Variants in ATP8A2 observed in about 807,000 individuals in gnomAD.
The protein encoded by ATP8A2 is ATPase phospholipid transporting 8A2.
In ATP8A2, 100 loss-of-function variants were observed where a neutral mutation model predicts 165.6. That is an observed-to-expected ratio of 0.60 (90% confidence interval 0.51 to 0.71). The LOEUF (loss-of-function observed/expected upper bound fraction) is 0.71, where lower values mean the gene tolerates loss of function less well. Among genes scored for constraint, ATP8A2 ranks in the 30% least tolerant of loss-of-function variants. The pLI is 0.00. For missense variants in ATP8A2, 1,227 were observed against 1,479.5 expected, an observed-to-expected ratio of 0.83 and a Z score of 2.80; for synonymous variants, 543 against 548.8, an observed-to-expected ratio of 0.99 and a Z score of 0.15.
chr13:25,975,291 C>T (rs1217575099), intron 35 of ATP8A2, among the ~76,000 whole-genome samples: 4 of 152,116 alleles, frequency 2.6e-5, no homozygotes, highest in Non-Finnish European at 4.4e-5. Context: ...GTTTTATTTT[C>T]GACCGGTTGC....
intron 24 of ATP8A2, among the ~76,000 whole-genome samples, chr13:25,617,175 A>G (rs988809393): frequency 1.2e-4 from 18 of 152,246 alleles, no homozygotes; most frequent in African/African-American, 3.9e-4. Context: ...CATGAAAACA[A>G]CAAAAGCTAA....
chr13:25,707,640 C>G, intron 25 of ATP8A2, among the ~76,000 whole-genome samples: 1 of 152,196 alleles, frequency 6.6e-6, no homozygotes, highest in East Asian at 1.9e-4. Context: ...AGAATACTTG[C>G]CAAGGGGCAT....
intron 27 of ATP8A2, among the ~76,000 whole-genome samples, chr13:25,805,382 G>C (rs1282158513): frequency 1.3e-5 from 2 of 151,998 alleles, no homozygotes; most frequent in Non-Finnish European, 2.9e-5. Flanking sequence ...CAGGCATGGT[G>C]GTGCACACCT....
At chr13:25,409,136 G>A (rs962639245) in intron 1 of ATP8A2, among the ~76,000 whole-genome samples, 3 of 152,024 alleles carry the variant, frequency 2.0e-5, no homozygotes, top group East Asian at 1.9e-4. Flanking sequence ...CACTATTGGC[G>A]AGACCAGCAG....
chr13:25,828,149 G>C lies in ATP8A2; in HGVS notation c.2711G>C (p.Gly904Ala), dbSNP rs370592962. ...TTCGCCTTTGTTAATGGATTTTCTGGGCAGATTTTATTTGAACGTTGGTGC... is the reference window on the plus strand; with the variant it reads ...TTCGCCTTTGTTAATGGATTTTCTGCGCAGATTTTATTTGAACGTTGGTGC... ...LWFAFVNGFS[G>A]QILFERWCIG... The change falls in exon 28 of 37, where the codon GGG becomes GCG. Residue 904 changes from glycine (G) to alanine (A), a missense_variant. Gly to Ala is a moderately conservative substitution (Grantham distance 60, BLOSUM62 0). This residue lies in a region of ATP8A2 where 592 missense variants were observed against 785.6 expected (regional missense o/e 0.75). Transcript: ENST00000381655. 3.1e-6 allele frequency: 5 copies of C among 1,613,882 alleles called. No homozygotes were observed. The highest frequency in any genetic ancestry group is 4.2e-6 in the Non-Finnish European group (5 of 1,179,970).
chr13:25,497,274 T>C (rs2036707605), intron 2 of ATP8A2, among the ~76,000 whole-genome samples: 1 of 152,200 alleles, frequency 6.6e-6, no homozygotes, highest in South Asian at 2.1e-4. Flanking sequence ...AGGCTTCATA[T>C]TTTACTCTAA....
chr13:25,903,159 T>A (rs1384544466), intron 33 of ATP8A2, among the ~76,000 whole-genome samples: 1 of 152,020 alleles, frequency 6.6e-6, no homozygotes, highest in Non-Finnish European at 1.5e-5. Context: ...AATTCCGGTC[T>A]CCTGCCATAG....
At chr13:25,570,571 T>C (rs1362411531) in intron 16 of ATP8A2, among the ~76,000 whole-genome samples, 196 bp from the exon 17 acceptor site, 1 of 152,112 alleles carries the variant, frequency 6.6e-6, no homozygotes, top group Non-Finnish European at 1.5e-5. Context: ...TGGGGATTAG[T>C]GCGCGTCAGG....
chr13:26,018,753 G>A (rs8000838), intron 36 of ATP8A2, among the ~76,000 whole-genome samples: 107,152 of 151,982 alleles, frequency 0.71, 37,876 homozygotes, highest in East Asian at 0.82. Flanking sequence ...TTGCTTCCCA[G>A]CTCTGCCACT....
chr13:25,987,476 T>G (rs1956297771), intron 35 of ATP8A2, among the ~76,000 whole-genome samples: 1 of 152,244 alleles, frequency 6.6e-6, no homozygotes. Context: ...GAAGGACCAT[T>G]TGGCATTGTC....
intron 9 of ATP8A2, 107 bp from the exon 10 acceptor site, chr13:25,543,184 T>C (rs574833317): frequency 1.4e-5 from 9 of 658,144 alleles, no homozygotes; most frequent in East Asian, 7.7e-5. Context: ...GTAGTTCAAA[T>C]TGGAGGAAAG....
chr13:25,875,045 T>C (rs1181991), intron 33 of ATP8A2, among the ~76,000 whole-genome samples: 45,305 of 151,542 alleles, frequency 0.3, 8,010 homozygotes, highest in African/African-American at 0.48. Flanking sequence ...TGCTTGTATA[T>C]AGTGAGTACT....
At chr13:25,585,117 T>C (rs1209945587) in intron 23 of ATP8A2, among the ~76,000 whole-genome samples, 5 of 152,248 alleles carry the variant, frequency 3.3e-5, no homozygotes, top group African/African-American at 1.2e-4. Context: ...GTGAATTGTA[T>C]GTAGATAGAC....
At chr13:25,472,946 C>T (rs932860565) in intron 2 of ATP8A2, among the ~76,000 whole-genome samples, 7 of 152,142 alleles carry the variant, frequency 4.6e-5, no homozygotes, top group East Asian at 1.9e-4. Context: ...GAGTTTGATA[C>T]AGAGGAAGGG....
intron 1 of ATP8A2, among the ~76,000 whole-genome samples, chr13:25,455,423 T>G (rs1461941397): frequency 6.6e-6 from 1 of 152,254 alleles, no homozygotes; most frequent in East Asian, 1.9e-4. Context: ...AATGGTGAGC[T>G]CTGCCCAGGA....
intron 2 of ATP8A2, among the ~76,000 whole-genome samples, chr13:25,510,174 AACAC>A (rs57755000): frequency 0.053 from 6,782 of 128,450 alleles, 181 homozygotes; most frequent in East Asian, 0.094. Flanking sequence ...GTCTGTCTGT[AACAC>A]ACACACACAC....
chr13:25,617,388 A>G lies in ATP8A2; in HGVS notation c.2211+27689A>G, dbSNP rs918177940. ...GTAGTTTTAGGGGGTGATTATTTTT[A>G]TAACTCAATTGATTTAAATGTTAGG... On this transcript the variant is annotated intron_variant, in intron 24 of 36. Coordinates refer to ENST00000381655, the MANE Select transcript of ATP8A2 (RefSeq NM_016529.6). Among the ~76,000 whole-genome samples, 11 of 152,236 alleles carry G rather than the reference A, an allele frequency of 7.2e-5. No individual in the cohort carries two copies. The South Asian group carries it at 1.0e-3, about 14-fold the overall frequency.
In ATP8A2 at chr13:25,519,806, A is replaced by G. The variant is rs148551575; in HGVS notation, c.222-10193A>G. Among the ~76,000 whole-genome samples the G allele has an allele frequency of 1.6e-4, 25 of 152,252 alleles. No individual in the cohort carries two copies. The East Asian group carries it at 4.6e-3, about 28-fold the overall frequency. On this transcript the variant is annotated intron_variant, in intron 2 of 36. Transcript: ENST00000381655. Reference sequence around the variant, plus strand: ...GAGGGGTGGCTTATTTACTTGGGTGAATAAACTATCCTGTTGGGAAGTTCT... The same window carrying G: ...GAGGGGTGGCTTATTTACTTGGGTGGATAAACTATCCTGTTGGGAAGTTCT...
intron 15 of ATP8A2, 57 bp from the exon 16 acceptor site, chr13:25,563,899 G>T: frequency 2.4e-6 from 3 of 1,231,860 alleles, no homozygotes; most frequent in South Asian, 2.4e-5. Context: ...TTCCAGGTTT[G>T]GGTTAGCTTA....
Sources: allele counts gnomAD v4.1 joint callset (sites outside exome capture counted in the v4.1 genomes callset), GRCh38; gene constraint gnomAD v4.1.1; regional missense constraint gnomAD v4.1.1; transcripts MANE v1.5; gene names NCBI Gene and HGNC (gene_info 2026-07-23, HGNC 2026-07-21).